Variants in CNTN6 observed in about 807,000 individuals in gnomAD.
The protein encoded by CNTN6 is contactin-6.
Under a neutral mutation model 122.8 loss-of-function variants are expected in CNTN6, and 137 were observed. That is an observed-to-expected ratio of 1.12 (90% confidence interval 0.97 to 1.29). The LOEUF (loss-of-function observed/expected upper bound fraction) is 1.29, where lower values mean the gene tolerates loss of function less well. Ranked by LOEUF, CNTN6 falls within the 50% of genes most tolerant of loss-of-function variation. The pLI, the probability that CNTN6 is intolerant of heterozygous loss-of-function variation, is 0.00. For synonymous variants in CNTN6, 570 were observed against 426.0 expected, an observed-to-expected ratio of 1.34 and a Z score of -4.16; for missense variants, 1,634 against 1,223.4, an observed-to-expected ratio of 1.34 and a Z score of -5.01.
At chr3:1,310,549 A>G (rs1242434651) in intron 7 of CNTN6, among the ~76,000 whole-genome samples, 1 of 152,176 alleles carries the variant, frequency 6.6e-6, no homozygotes, top group Non-Finnish European at 1.5e-5. Context: ...CATTTGTATT[A>G]ATGAAAGATA....
chr3:1,331,066 G>A (rs1702221430), intron 11 of CNTN6, among the ~76,000 whole-genome samples: 1 of 151,732 alleles, frequency 6.6e-6, no homozygotes, highest in South Asian at 2.1e-4. Flanking sequence ...TGTGGCCGAG[G>A]AAAAAAGAGG....
At chr3:1,096,065 A>T (rs2090508021) in intron 1 of CNTN6, among the ~76,000 whole-genome samples, 1 of 152,180 alleles carries the variant, frequency 6.6e-6, no homozygotes, top group South Asian at 2.1e-4. Flanking sequence ...TGCCTTAGAC[A>T]TGCAAGATAC....
chr3:1,220,962 T>C, intron 3 of CNTN6, 149 bp downstream of exon 3: 3 of 855,228 alleles, frequency 3.5e-6, no homozygotes, highest in East Asian at 2.8e-5. Flanking sequence ...TGACAATCAC[T>C]CAGATAAAGA....
At chr3:1,116,266 TAG>T (rs2091715404) in intron 1 of CNTN6, among the ~76,000 whole-genome samples, 1 of 152,044 alleles carries the variant, frequency 6.6e-6, no homozygotes, top group Non-Finnish European at 1.5e-5. Context: ...TGTAGTAGTG[TAG>T]GAAAGGGCTT....
At chr3:1,287,983 C>T (rs1018844021) in intron 5 of CNTN6, among the ~76,000 whole-genome samples, 2 of 152,208 alleles carry the variant, frequency 1.3e-5, no homozygotes, top group African/African-American at 4.8e-5. Flanking sequence ...CATAAACTTG[C>T]TTTCACTTTA....
intron 10 of CNTN6, among the ~76,000 whole-genome samples, 184 bp downstream of exon 10, chr3:1,327,770 C>T (rs1701744633): frequency 6.6e-6 from 1 of 151,754 alleles, no homozygotes; most frequent in African/African-American, 2.4e-5. Flanking sequence ...GGGCAATGCA[C>T]TGGGGCTTCA....
intron 4 of CNTN6, among the ~76,000 whole-genome samples, chr3:1,248,804 G>A (rs959461898): frequency 1.3e-5 from 2 of 151,806 alleles, no homozygotes; most frequent in Non-Finnish European, 2.9e-5. Flanking sequence ...TGGGCGACAT[G>A]AGTGAAACTC....
At chr3:1,357,738 C>G (rs114035479) in intron 12 of CNTN6, among the ~76,000 whole-genome samples, 1 of 151,728 alleles carries the variant, frequency 6.6e-6, no homozygotes, top group Non-Finnish European at 1.5e-5. Context: ...TCCTAAATAC[C>G]GCAGCCTTCA....
chr3:1,322,378 A>G (rs1387909579), intron 8 of CNTN6, among the ~76,000 whole-genome samples: 1 of 151,698 alleles, frequency 6.6e-6, no homozygotes, highest in Non-Finnish European at 1.5e-5. Flanking sequence ...CGATGAATGC[A>G]TATATTATCT....
intron 20 of CNTN6, among the ~76,000 whole-genome samples, chr3:1,397,852 C>A (rs1695175222): frequency 6.6e-6 from 1 of 152,002 alleles, no homozygotes; most frequent in African/African-American, 2.4e-5. Flanking sequence ...CTCTTCTGCC[C>A]AAATGTCAAC....
At chr3:1,155,736 A>AT (rs1357440184) in intron 2 of CNTN6, among the ~76,000 whole-genome samples, 1 of 152,050 alleles carries the variant, frequency 6.6e-6, no homozygotes, top group Non-Finnish European at 1.5e-5. Context: ...CTCAAGATGT[A>AT]TTTTTTTATT....
intron 2 of CNTN6, 123 bp downstream of exon 2, chr3:1,148,186 G>T (rs570299244): frequency 7.1e-6 from 5 of 707,698 alleles, no homozygotes; most frequent in Non-Finnish European, 1.2e-5. Flanking sequence ...AAGTGATAAT[G>T]TTTTGAAGGT....
intron 2 of CNTN6, among the ~76,000 whole-genome samples, chr3:1,212,599 C>T (rs2094061907): frequency 6.6e-6 from 1 of 151,754 alleles, no homozygotes; most frequent in African/African-American, 2.4e-5. Flanking sequence ...AATACAATTA[C>T]TCACTGATTG....
chr3:1,202,148 C>A (rs2093881954), intron 2 of CNTN6, among the ~76,000 whole-genome samples: 1 of 152,122 alleles, frequency 6.6e-6, no homozygotes, highest in Admixed American at 6.5e-5. Flanking sequence ...TTGTCTGTTT[C>A]CCTATGGTGA....
chr3:1,388,040 C>A (rs566902892), intron 20 of CNTN6, among the ~76,000 whole-genome samples: 2 of 151,430 alleles, frequency 1.3e-5, no homozygotes, highest in East Asian at 1.9e-4. Context: ...CCAGGAAGCT[C>A]CAACTGGGTG....
chr3:1,208,955 T>G (rs2093995677), intron 2 of CNTN6, among the ~76,000 whole-genome samples: 1 of 152,112 alleles, frequency 6.6e-6, no homozygotes, highest in African/African-American at 2.4e-5. Flanking sequence ...GTTGGTCGAG[T>G]TTACTTATGT....
At chr3:1,175,784 G>A (rs2093438200) in intron 2 of CNTN6, among the ~76,000 whole-genome samples, 1 of 141,376 alleles carries the variant, frequency 7.1e-6, no homozygotes, top group African/African-American at 2.5e-5. Context: ...TAGCAATAGT[G>A]TGATGCGGGA....
intron 12 of CNTN6, among the ~76,000 whole-genome samples, chr3:1,355,611 C>G (rs957354014): frequency 6.6e-5 from 10 of 151,568 alleles, no homozygotes; most frequent in African/African-American, 2.4e-4. Context: ...TGTGTATTTT[C>G]TCATCAGTAA....
At chr3:1,177,987 G>C (rs1174678757) in intron 2 of CNTN6, among the ~76,000 whole-genome samples, 1 of 149,888 alleles carries the variant, frequency 6.7e-6, no homozygotes, top group African/African-American at 2.5e-5. Flanking sequence ...TGCAACCTCT[G>C]CCTCCCGGAT....
Sources: allele counts gnomAD v4.1 joint callset (sites outside exome capture counted in the v4.1 genomes callset), GRCh38; gene constraint gnomAD v4.1.1; transcripts MANE v1.5; gene names NCBI Gene and HGNC (gene_info 2026-07-23, HGNC 2026-07-21).